Variants in TCTN2 observed in about 807,000 individuals in gnomAD.
The protein encoded by TCTN2 is tectonic-2.
In TCTN2, 66 loss-of-function variants were observed where a neutral mutation model predicts 83.4. The observed-to-expected ratio is 0.79, with a 90% CI of 0.65 to 0.97. TCTN2 has a LOEUF of 0.97. Among genes scored for constraint, TCTN2 ranks in the 50% least tolerant of loss-of-function variants. The pLI is 0.00. For synonymous variants in TCTN2, 301 were observed against 326.7 expected, an observed-to-expected ratio of 0.92 and a Z score of 0.85; for missense variants, 794 against 858.1, an observed-to-expected ratio of 0.93 and a Z score of 0.93.
chr12:123,706,118 C>G (rs1956226686), intron 15 of TCTN2, among the ~76,000 whole-genome samples: 1 of 152,146 alleles, frequency 6.6e-6, no homozygotes, highest in Non-Finnish European at 1.5e-5. Flanking sequence ...TCATGTGCTC[C>G]TTTCTGAACC....
At chr12:123,701,355 G>A (rs573598580) in intron 14 of TCTN2, among the ~76,000 whole-genome samples, 40 of 152,266 alleles carry the variant, frequency 2.6e-4, no homozygotes, top group Non-Finnish European at 5.6e-4. Flanking sequence ...GACTATACCA[G>A]AAACCATCGA....
At chr12:123,694,812 T>TA (rs1956087500) in intron 9 of TCTN2, 30 bp from the exon 10 acceptor site, 1 of 1,605,620 alleles carries the variant, frequency 6.2e-7, no homozygotes, top group East Asian at 2.2e-5. Context: ...AGAGGGTCTT[T>TA]AATTTATGAA....
chr12:123,705,161 GTTTTTTT>G (rs71308014), intron 15 of TCTN2, among the ~76,000 whole-genome samples: 2 of 117,714 alleles, frequency 1.7e-5, no homozygotes, highest in Admixed American at 9.0e-5. Context: ...GCCTCCATCA[GTTTTTTT>G]TTTTTTTTTT....
At chr12:123,671,643 TG>T in intron 2 of TCTN2, 29 bp downstream of exon 2, 1 of 1,591,814 alleles carries the variant, frequency 6.3e-7, no homozygotes, top group Non-Finnish European at 8.6e-7. Flanking sequence ...TTGGGGAGGG[TG>T]GGGGTTGGAC....
At position 123,673,660 on chromosome 12, in the gene TCTN2, T is replaced by C; in HGVS notation, c.313T>C (p.Cys105Arg). The stretch of plus-strand genomic sequence containing the variant: ...GAGGTGGAAGAGAGGTCTGGACTGG[T>C]GTTCCTCCAATGAGACAGATTCCTT... ...TVRWKRGLDW[C>R]SSNETDSFSE... Residue 105 changes from cysteine to arginine, a missense_variant, in exon 4 of 18, where the codon TGT becomes CGT. Cys to Arg is a radical substitution (Grantham distance 180). Coordinates refer to ENST00000303372, the MANE Select transcript of TCTN2 (RefSeq NM_024809.5). 2 of 1,614,226 alleles carry C rather than the reference T, an allele frequency of 1.2e-6. No individual in the cohort carries two copies. Among genetic ancestry groups the C allele is most frequent in the East Asian group, 2.2e-5 (1 of 44,892 alleles).
chr12:123,697,100 G>A lies in TCTN2; in HGVS notation c.1407G>A (p.Leu469=). Residue 469 remains leucine, a synonymous_variant, in exon 13 of 18, where the codon CTG becomes CTA. Transcript: ENST00000303372. Reference sequence around the variant, plus strand: ...TTTCTTTTATAGCTGGAAGGGGTCTGTGTACATCAGCAACTTTCAAACCCA... The same window carrying A: ...TTTCTTTTATAGCTGGAAGGGGTCTATGTACATCAGCAACTTTCAAACCCA... ...LHLWQSAGRG[L]CTSATFKPIL... is the part of the protein sequence containing the mutation. The A allele has an allele frequency of 6.2e-7, 1 of 1,613,656 alleles. No homozygotes were observed. Among genetic ancestry groups the A allele is most frequent in the South Asian group, 1.1e-5 (1 of 91,068 alleles).
rs1217191945 is a variant in TCTN2, at chr12:123,686,764, GT to G, written c.565-70del. The G allele has an allele frequency of 2.7e-5, 40 of 1,459,266 alleles. No homozygotes were observed. The African/African-American group carries it at 5.6e-4, about 20-fold the overall frequency. 90.4% of individuals were successfully genotyped at this position (1,459,266 alleles called of 1,614,324 possible). A position where few individuals can be genotyped will look rare whatever the true frequency, so the allele number is the denominator to read the frequency against. Reference sequence around the variant, plus strand: ...AGTGTCCTGCTGGCCTTAAATAAGAGTTAGCATTCGCTACGCTTGCCAGGAG... The same window carrying G: ...AGTGTCCTGCTGGCCTTAAATAAGAGTAGCATTCGCTACGCTTGCCAGGAG... On this transcript the variant is annotated intron_variant, in intron 5 of 17. Coordinates refer to ENST00000303372, the MANE Select transcript of TCTN2 (RefSeq NM_024809.5).
chr12:123,707,380 G>T, intron 17 of TCTN2: 1 of 633,696 alleles, frequency 1.6e-6, no homozygotes, highest in South Asian at 1.9e-5. Context: ...TGGAGTAGCT[G>T]GGATTACAGC....
In TCTN2 at chr12:123,706,833, T is replaced by C. The variant is rs786204788; in HGVS notation, c.1877T>C (p.Leu626Ser). The C allele has an allele frequency of 1.9e-6, 3 of 1,614,156 alleles. No homozygotes were observed. Among genetic ancestry groups the C allele is most frequent in the Non-Finnish European group, 2.5e-6 (3 of 1,180,028 alleles). The part of the protein sequence containing the change: ...SVQFIKIPAQ[L>S]PHPLTRFQIN... ...CAGTTTATTAAAATTCCTGCACAGT[T>C]ACCCCACCCCCTGACAAGGTACTCC... Residue 626 changes from leucine to serine, a missense_variant, in exon 16 of 18, where the codon TTA becomes TCA. Coordinates refer to ENST00000303372, the MANE Select transcript of TCTN2 (RefSeq NM_024809.5).
At position 123,671,209 on chromosome 12, in the gene TCTN2, T is replaced by G. The variant is rs1955744300; in HGVS notation, c.-32T>G. On this transcript the variant is annotated 5_prime_UTR_variant, in exon 1 of 18. Transcript: ENST00000303372. ...TTCCTGGGTTCTAATGAGGGCGCGG[T>G]TCTGCTGTGCCCGGCCCGCGAGGTC... The G allele has an allele frequency of 6.3e-7, 1 of 1,597,910 alleles. No individual in the cohort carries two copies. The highest frequency in any genetic ancestry group is 8.5e-7 in the Non-Finnish European group (1 of 1,171,718).
chr12:123,707,481 G>A (rs921026286), intron 17 of TCTN2, 123 bp from the exon 18 acceptor site: 26 of 910,860 alleles, frequency 2.9e-5, no homozygotes, highest in South Asian at 2.5e-4. Flanking sequence ...CAAGTGATCC[G>A]CCCTCCTTGG....
At chr12:123,700,683 G>A (rs1000614521) in intron 14 of TCTN2, among the ~76,000 whole-genome samples, 6 of 152,162 alleles carry the variant, frequency 3.9e-5, no homozygotes, top group East Asian at 1.9e-4. Context: ...CACCTGCCTC[G>A]GCCTCCCAAA....
At chr12:123,680,352 C>CAAAAAA (rs550243428) in intron 5 of TCTN2, among the ~76,000 whole-genome samples, 1 of 109,086 alleles carries the variant, frequency 9.2e-6, no homozygotes, top group Non-Finnish European at 1.9e-5. Context: ...AACTCCGTTT[C>CAAAAAA]AAAAAAAAAA....
chr12:123,690,082 G>T (rs1956023526), intron 7 of TCTN2, among the ~76,000 whole-genome samples: 1 of 152,188 alleles, frequency 6.6e-6, no homozygotes, highest in Non-Finnish European at 1.5e-5. Flanking sequence ...TTACAGGTGT[G>T]AGCCACTGCT....
At chr12:123,707,166 A>T (rs148572007) in intron 17 of TCTN2, 93 bp downstream of exon 17, 2 of 1,063,790 alleles carry the variant, frequency 1.9e-6, no homozygotes, top group East Asian at 2.5e-5. Context: ...AGCATAAAAC[A>T]TATAGAAACT....
At chr12:123,675,840 T>C (rs941187688) in intron 4 of TCTN2, among the ~76,000 whole-genome samples, 1 of 152,240 alleles carries the variant, frequency 6.6e-6, no homozygotes, top group African/African-American at 2.4e-5. Context: ...TGTTACCCAC[T>C]TAAAAGTTTT....
intron 14 of TCTN2, chr12:123,700,029 T>G (rs1025363690): frequency 4.3e-5 from 26 of 606,662 alleles, no homozygotes; most frequent in Middle Eastern, 4.4e-4. Context: ...TTTGTTTTTT[T>G]GAGACAGGGT....
At chr12:123,680,388 AT>A (rs1204785087) in intron 5 of TCTN2, among the ~76,000 whole-genome samples, 2,207 of 146,780 alleles carry the variant, frequency 0.015, 41 homozygotes, top group African/African-American at 0.051. Context: ...TTTTGAGTAA[AT>A]TTTTTTTTTT....
Position 123,704,693 on chromosome 12 carries a change from G to T in TCTN2, c.1769+5G>T. ...GATACTCGGTGTAGAGACAAGGTAT[G>T]ATCACATCTTGGATCACCGTAGTTT... On this transcript the variant is annotated splice_donor_5th_base_variant and intron_variant, in intron 15 of 17. Transcript: ENST00000303372. 1 of 1,613,464 alleles carries T rather than the reference G, an allele frequency of 6.2e-7. No homozygotes were observed. The highest frequency in any genetic ancestry group is 1.1e-5 in the South Asian group (1 of 90,994).
Sources: gnomAD v4.1 joint callset for allele counts (sites outside exome capture counted in the v4.1 genomes callset) on GRCh38, gnomAD v4.1.1 for gene constraint, MANE v1.5 for transcripts, NCBI Gene and HGNC (gene_info 2026-07-23, HGNC 2026-07-21) for gene names.